Variants in KCNMA1 observed in about 807,000 individuals in gnomAD.
KCNMA1 encodes potassium calcium-activated channel subfamily M alpha 1.
A neutral mutation model predicts 140.0 loss-of-function variants in KCNMA1; 29 were observed. The observed-to-expected ratio is 0.21, with a 90% CI of 0.15 to 0.28. The LOEUF (loss-of-function observed/expected upper bound fraction) is 0.28, where lower values mean the gene tolerates loss of function less well. KCNMA1 is among the 10% of genes least tolerant of loss of function. KCNMA1 has a pLI of 1.00. For missense variants in KCNMA1, 880 were observed against 1,602.2 expected (o/e 0.55, Z 7.70); for synonymous variants, 612 against 611.9 (o/e 1.00, Z 0.00).
intron 15 of KCNMA1, 196 bp downstream of exon 15, chr10:77,039,332 G>C: frequency 1.6e-6 from 1 of 627,328 alleles, no homozygotes; most frequent in Non-Finnish European, 2.9e-6. Context: ...AAGAAAAGTG[G>C]GGCCAGTGGA....
At chr10:77,523,211 C>CCT (rs1555416288) in intron 1 of KCNMA1, among the ~76,000 whole-genome samples, 2 of 150,244 alleles carry the variant, frequency 1.3e-5, no homozygotes, top group Admixed American at 1.3e-4. Flanking sequence ...GTGCCCCCCC[C>CCT]CCTTGCAATC....
intron 1 of KCNMA1, among the ~76,000 whole-genome samples, chr10:77,474,444 C>A (rs1007480184): frequency 2.0e-5 from 3 of 152,192 alleles, no homozygotes; most frequent in Non-Finnish European, 4.4e-5. Flanking sequence ...AGGCGGCCAT[C>A]TACAAGAGCC....
At chr10:77,292,691 A>G (rs1183371051) in intron 2 of KCNMA1, among the ~76,000 whole-genome samples, 1 of 152,118 alleles carries the variant, frequency 6.6e-6, no homozygotes, top group Non-Finnish European at 1.5e-5. Flanking sequence ...TGACCTACTT[A>G]GCCATTCCAC....
intron 16 of KCNMA1, among the ~76,000 whole-genome samples, chr10:77,027,521 C>T (rs1432941976): frequency 1.3e-5 from 2 of 152,124 alleles, no homozygotes; most frequent in Non-Finnish European, 2.9e-5. Flanking sequence ...TGGTTTAATA[C>T]TTAGAAGGTG....
intron 22 of KCNMA1, among the ~76,000 whole-genome samples, chr10:76,947,937 TG>T (rs1463311583): frequency 6.6e-6 from 1 of 152,178 alleles, no homozygotes; most frequent in Non-Finnish European, 1.5e-5. Context: ...ATTTTAGCTT[TG>T]TAAGTGGGGG....
chr10:77,419,428 CTTTGT>C (rs936663666), intron 1 of KCNMA1, among the ~76,000 whole-genome samples: 8 of 152,216 alleles, frequency 5.3e-5, no homozygotes, highest in East Asian at 1.9e-4. Flanking sequence ...TCCCAAGTCT[CTTTGT>C]TTTGTTTTGT....
chr10:77,637,528 AC>A lies in KCNMA1; in HGVS notation c.114del (p.Ser39ProfsTer35). ...GAAGAGGAGGAGGAGGAGGAGGAGG[AC>A]GCGTCTAGGCTGAGATGGTTCGCGT... ...NIHANHLSLD[A>X]SSSSSSSSSS... On this transcript the variant is annotated frameshift_variant, in exon 1 of 28. Coordinates refer to ENST00000286628, the MANE Select transcript of KCNMA1 (RefSeq NM_001161352.2). LOFTEE classifies it high-confidence loss of function. 1 of 1,551,306 alleles carries A rather than the reference AC, an allele frequency of 6.4e-7. No homozygotes were observed. Among genetic ancestry groups the A allele is most frequent in the Non-Finnish European group, 8.8e-7 (1 of 1,140,998 alleles).
chr10:77,012,575 C>T lies in KCNMA1; in HGVS notation c.2016-532G>A, dbSNP rs770806568. ...GAGGAGGTCTGCAGAGAGGGAAAAA[C>T]GAAAGCCACGAGTCAGTGGGTTCCT... On this transcript the variant is annotated intron_variant, in intron 17 of 27. Coordinates refer to ENST00000286628, the MANE Select transcript of KCNMA1 (RefSeq NM_001161352.2). 115 of 1,544,466 alleles carry T rather than the reference C, an allele frequency of 7.4e-5. No homozygotes were observed. In the South Asian group the frequency reaches 7.6e-4, roughly 10 times the overall value.
chr10:77,524,400 G>A (rs1036531261), intron 1 of KCNMA1, among the ~76,000 whole-genome samples: 2 of 152,198 alleles, frequency 1.3e-5, no homozygotes, highest in Non-Finnish European at 2.9e-5. Flanking sequence ...TTCAGCCTCA[G>A]ACCAACAGAG....
intron 2 of KCNMA1, chr10:77,350,380 G>C (rs1224689876): frequency 6.6e-6 from 1 of 152,226 alleles, no homozygotes; most frequent in Non-Finnish European, 1.5e-5. Context: ...GATGAATCTT[G>C]AGCCTGGGGT....
chr10:77,123,421 G>T (rs1416110233), intron 5 of KCNMA1, among the ~76,000 whole-genome samples: 1 of 152,108 alleles, frequency 6.6e-6, no homozygotes, highest in Non-Finnish European at 1.5e-5. Flanking sequence ...CAGAATGGGA[G>T]GGGGCAAGGG....
chr10:76,898,941 T>G (rs1342282344), intron 25 of KCNMA1, among the ~76,000 whole-genome samples: 7 of 151,900 alleles, frequency 4.6e-5, no homozygotes, highest in African/African-American at 1.4e-4. Flanking sequence ...AAATAATTCC[T>G]TGAAAAAATA....
chr10:77,385,159 T>C (rs1157633100), intron 2 of KCNMA1, among the ~76,000 whole-genome samples: 1 of 152,248 alleles, frequency 6.6e-6, no homozygotes, highest in Admixed American at 6.5e-5. Context: ...TCTCTCCAGA[T>C]ACTCAATAAG....
rs561144350 is a variant in KCNMA1, at chr10:77,223,474, A to G, written c.602+27721T>C. Among the ~76,000 whole-genome samples, 6 of 152,318 alleles carry G rather than the reference A, an allele frequency of 3.9e-5. No homozygotes were observed. In the South Asian group the frequency reaches 1.2e-3, roughly 32 times the overall value. On this transcript the variant is annotated intron_variant, in intron 3 of 27. Coordinates refer to ENST00000286628, the MANE Select transcript of KCNMA1 (RefSeq NM_001161352.2). The stretch of plus-strand genomic sequence containing the variant: ...CAAACAAGTTGAAAAGAAAGTGCAG[A>G]ATAATCAGAGTGTATCTAGAATGAA...
intron 1 of KCNMA1, among the ~76,000 whole-genome samples, chr10:77,510,420 T>C (rs1047466015): frequency 6.6e-6 from 1 of 152,114 alleles, no homozygotes; most frequent in Non-Finnish European, 1.5e-5. Context: ...CCAATTCAAT[T>C]ATTTATGTCC....
chr10:77,166,629 G>GGAGGGA (rs1266126625), intron 5 of KCNMA1, among the ~76,000 whole-genome samples: 1 of 151,910 alleles, frequency 6.6e-6, no homozygotes, highest in Non-Finnish European at 1.5e-5. Context: ...AAAAGGAGAA[G>GGAGGGA]GAGGGAGAGG....
At chr10:76,984,201 C>CT (rs11369702) in intron 19 of KCNMA1, among the ~76,000 whole-genome samples, 119,179 of 149,152 alleles carry the variant, frequency 0.8, 47,658 homozygotes, top group Non-Finnish European at 0.84. Context: ...TTATTATTTA[C>CT]TTTTTTTTTT....
intron 1 of KCNMA1, among the ~76,000 whole-genome samples, chr10:77,519,364 T>A (rs557132956): frequency 4.7e-4 from 72 of 152,360 alleles, no homozygotes; most frequent in African/African-American, 1.7e-3. Context: ...ATCCTTGACT[T>A]GCAAAACAGG....
At chr10:77,282,835 C>T (rs2069168407) in intron 2 of KCNMA1, among the ~76,000 whole-genome samples, 1 of 152,140 alleles carries the variant, frequency 6.6e-6, no homozygotes, top group South Asian at 2.1e-4. Context: ...CATAGCAAGA[C>T]CCCATCTCTA....
Sources: allele counts gnomAD v4.1 joint callset (sites outside exome capture counted in the v4.1 genomes callset), GRCh38; gene constraint gnomAD v4.1.1; transcripts MANE v1.5; gene names NCBI Gene and HGNC (gene_info 2026-07-23, HGNC 2026-07-21).